The following ALMS1 variants were observed in gnomAD, a reference collection of about 807,000 sequenced individuals.
ALMS1 encodes the protein centrosome-associated protein ALMS1.
Under a neutral mutation model 352.2 loss-of-function variants are expected in ALMS1, and 271 were observed. The ratio of observed to expected loss-of-function variants is 0.77; its 90% CI spans 0.70 to 0.85. ALMS1 has a LOEUF of 0.85. ALMS1 is among the 40% of genes least tolerant of loss of function. The pLI, the probability that ALMS1 is intolerant of heterozygous loss-of-function variation, is 0.00. For missense variants in ALMS1, 5,445 were observed against 4,870.7 expected (o/e 1.12, Z -3.51); for synonymous variants, 1,865 against 1,761.2 (o/e 1.06, Z -1.48).
chr2:73,451,365 G>T lies in ALMS1; in HGVS notation c.4838G>T (p.Gly1613Val). 1 of 1,613,580 alleles carries T rather than the reference G, an allele frequency of 6.2e-7. No homozygotes were observed. Among genetic ancestry groups the T allele is most frequent in the Non-Finnish European group, 8.5e-7 (1 of 1,179,870 alleles). The stretch of plus-strand genomic sequence containing the variant: ...GAAAAAAAGACTGACATACCAGCAG[G>T]ACCTTTAGGTTCCAGTGCACTTGGA... ...PTEKKTDIPAGPLGSSALGEK... is the reference protein window; with the variant it reads ...PTEKKTDIPAVPLGSSALGEK... The change falls in exon 8 of 23, where the codon GGA (glycine) becomes GTA (valine). Residue 1613 changes from glycine (G) to valine (V), a missense_variant. Coordinates refer to ENST00000613296, the MANE Select transcript of ALMS1 (RefSeq NM_001378454.1).
At chr2:73,484,080 G>A (rs1299252784) in intron 9 of ALMS1, among the ~76,000 whole-genome samples, 2 of 151,732 alleles carry the variant, frequency 1.3e-5, no homozygotes, top group African/African-American at 2.4e-5. Flanking sequence ...TATATTTAAA[G>A]TTAATATTGT....
intron 15 of ALMS1, among the ~76,000 whole-genome samples, chr2:73,562,528 A>G (rs1179668606): frequency 6.6e-6 from 1 of 152,234 alleles, no homozygotes; most frequent in Non-Finnish European, 1.5e-5. Flanking sequence ...TAAAGGAGGT[A>G]TAAATGAGCA....
intron 2 of ALMS1, among the ~76,000 whole-genome samples, chr2:73,412,992 C>CTTTTTTTT (rs1191158871): frequency 2.1e-5 from 3 of 141,706 alleles, no homozygotes; most frequent in Non-Finnish European, 3.1e-5. Flanking sequence ...TTCTTTTTTT[C>CTTTTTTTT]TTTTTTTTTT....
At chr2:73,403,154 T>C (rs1670904624) in intron 1 of ALMS1, among the ~76,000 whole-genome samples, 1 of 152,220 alleles carries the variant, frequency 6.6e-6, no homozygotes, top group Non-Finnish European at 1.5e-5. Flanking sequence ...TCTAGGTTTA[T>C]GGTTTTAAGT....
chr2:73,601,100 G>A, intron 18 of ALMS1, 95 bp from the exon 19 acceptor site: 2 of 1,589,356 alleles, frequency 1.3e-6, no homozygotes, highest in South Asian at 2.3e-5. Context: ...TGAGACCCCT[G>A]AGAACCTGTA....
chr2:73,405,022 C>T (rs1339316317), intron 1 of ALMS1, among the ~76,000 whole-genome samples: 1 of 149,452 alleles, frequency 6.7e-6, no homozygotes, highest in African/African-American at 2.5e-5. Context: ...AGCAGTCCTC[C>T]TACCTCAGCC....
intron 1 of ALMS1, among the ~76,000 whole-genome samples, chr2:73,391,398 A>T (rs1670642793): frequency 7.0e-6 from 1 of 143,792 alleles, no homozygotes; most frequent in Admixed American, 7.3e-5. Context: ...AGTTCATGCC[A>T]TTCTCCTGCC....
At position 73,450,935 on chromosome 2, in the gene ALMS1, A is replaced by C; in HGVS notation, c.4408A>C (p.Thr1470Pro). 1 of 1,613,856 alleles carries C rather than the reference A, an allele frequency of 6.2e-7. No homozygotes were observed. Among genetic ancestry groups the C allele is most frequent in the Non-Finnish European group, 8.5e-7 (1 of 1,179,890 alleles). Residue 1470 changes from threonine to proline, a missense_variant, in exon 8 of 23, where the codon ACT (threonine) becomes CCT (proline). Thr to Pro is a conservative substitution (Grantham distance 38). Coordinates refer to ENST00000613296, the MANE Select transcript of ALMS1 (RefSeq NM_001378454.1). ...GPVDQTIGTPTVTSPSSSFGE... is the reference protein window; with the variant it reads ...GPVDQTIGTPPVTSPSSSFGE... The stretch of plus-strand genomic sequence containing the variant: ...AGTTGACCAGACGATTGGCACACCA[A>C]CTGTAACCTCCCCTTCCAGCTCATT...
chr2:73,607,610 T>A (rs2104213584), intron 21 of ALMS1, among the ~76,000 whole-genome samples: 1 of 152,196 alleles, frequency 6.6e-6, no homozygotes, highest in Middle Eastern at 3.4e-3. Context: ...CCCCATTCCC[T>A]TTCTGCTCTT....
rs574785830 is a variant in ALMS1, at chr2:73,490,796, A to G, written c.8837A>G (p.His2946Arg). The change falls in exon 10 of 23, where the codon CAT becomes CGT. Residue 2946 changes from histidine (H) to arginine (R), a missense_variant. His to Arg is a conservative substitution (Grantham distance 29). Coordinates refer to ENST00000613296, the MANE Select transcript of ALMS1 (RefSeq NM_001378454.1). ...PYVDHQMREN[H>R]SPLPQGQDSI... ...GTAGATCATCAAATGAGAGAAAACC[A>G]TTCTCCCCTTCCTCAAGGTCAGGAT... 1.0e-4 allele frequency: 169 copies of G among 1,613,976 alleles called. 1 individual carries two copies. In the South Asian group the frequency reaches 1.6e-3, roughly 15 times the overall value.
chr2:73,471,310 C>T (rs1174680905), intron 9 of ALMS1, among the ~76,000 whole-genome samples: 9 of 148,892 alleles, frequency 6.0e-5, no homozygotes, highest in Non-Finnish European at 1.0e-4. Flanking sequence ...ATAGCTACAG[C>T]GAAAGCAATT....
At chr2:73,393,181 C>T (rs1670685090) in intron 1 of ALMS1, among the ~76,000 whole-genome samples, 1 of 152,048 alleles carries the variant, frequency 6.6e-6, no homozygotes, top group Non-Finnish European at 1.5e-5. Flanking sequence ...TATATATATG[C>T]ATATTACATA....
chr2:73,561,992 G>A (rs1674673070), intron 15 of ALMS1, among the ~76,000 whole-genome samples: 1 of 151,646 alleles, frequency 6.6e-6, no homozygotes, highest in Non-Finnish European at 1.5e-5. Flanking sequence ...TGAAAAAAAA[G>A]TACCAATTAG....
chr2:73,523,933 A>G (rs181990472), intron 11 of ALMS1, among the ~76,000 whole-genome samples: 25 of 152,336 alleles, frequency 1.6e-4, no homozygotes, highest in East Asian at 1.9e-4. Flanking sequence ...ACCGTGGTCT[A>G]TAAGAATAAA....
At chr2:73,501,968 G>A (rs1328903300) in intron 10 of ALMS1, among the ~76,000 whole-genome samples, 3 of 151,878 alleles carry the variant, frequency 2.0e-5, no homozygotes, top group African/African-American at 7.3e-5. Context: ...AATTTTCGTT[G>A]TGTAGATTTT....
At chr2:73,456,935 C>G (rs1005460430) in intron 9 of ALMS1, 1 of 152,252 alleles carries the variant, frequency 6.6e-6, no homozygotes, top group East Asian at 1.9e-4. Context: ...AAGTTGCCTT[C>G]CTTTGGGTAG....
chr2:73,408,506 G>A (rs1218064842), intron 1 of ALMS1, 116 bp from the exon 2 acceptor site: 26 of 1,174,544 alleles, frequency 2.2e-5, no homozygotes, highest in African/African-American at 4.6e-5. Context: ...TCAAAATGTC[G>A]TATATGTGAA....
Position 73,587,611 on chromosome 2 carries a change from A to T in ALMS1, c.11548-11790A>T, listed in dbSNP as rs143556607. The stretch of plus-strand genomic sequence containing the variant: ...CTTGTGCATGTTAAGCCATCCCTGC[A>T]TCCCTGGTATGAAACCCACTTGACC... On this transcript the variant is annotated intron_variant, in intron 16 of 22. Coordinates refer to ENST00000613296, the MANE Select transcript of ALMS1 (RefSeq NM_001378454.1). 1.8e-3 allele frequency among the ~76,000 whole-genome samples: 274 copies of T among 152,292 alleles called. 7 individuals are homozygous for T. In the East Asian group the frequency reaches 0.046, roughly 25 times the overall value.
At chr2:73,484,212 T>C (rs1470114607) in intron 9 of ALMS1, among the ~76,000 whole-genome samples, 150 of 151,886 alleles carry the variant, frequency 9.9e-4, no homozygotes, top group African/African-American at 2.2e-3. Flanking sequence ...CGGCTGGTAC[T>C]GGTTGTTCCT....
Sources: gnomAD v4.1 joint callset for allele counts (sites outside exome capture counted in the v4.1 genomes callset) on GRCh38, gnomAD v4.1.1 for gene constraint, MANE v1.5 for transcripts, NCBI Gene and HGNC (gene_info 2026-07-23, HGNC 2026-07-21) for gene names.